The following CPVL variants were observed in gnomAD, a reference collection of about 807,000 sequenced individuals.
CPVL encodes probable serine carboxypeptidase CPVL.
CPVL carries 51 observed loss-of-function variants against 63.7 expected under a neutral mutation model. The observed-to-expected ratio is 0.80, with a 90% CI of 0.64 to 1.01. The LOEUF is 1.01. Among genes scored for constraint, CPVL ranks in the 50% least tolerant of loss-of-function variants. The pLI, the probability that CPVL is intolerant of heterozygous loss-of-function variation, is 0.00. For missense variants in CPVL, 530 were observed against 573.1 expected (o/e 0.92, Z 0.77); for synonymous variants, 195 against 206.0 (o/e 0.95, Z 0.46).
intron 3 of CPVL, among the ~76,000 whole-genome samples, chr7:29,098,611 T>C (rs1030251924): frequency 2.0e-5 from 3 of 152,208 alleles, no homozygotes; most frequent in African/African-American, 7.2e-5. Flanking sequence ...ATGAGCAGCC[T>C]GAAGCTCCAG....
At chr7:29,099,135 G>C (rs1467624323) in intron 3 of CPVL, among the ~76,000 whole-genome samples, 3 of 152,148 alleles carry the variant, frequency 2.0e-5, no homozygotes, top group African/African-American at 7.2e-5. Flanking sequence ...TACACTGTAT[G>C]CTTGCTGGGA....
In CPVL at chr7:29,030,671, T is replaced by C. The variant is rs770366520; in HGVS notation, c.1226A>G (p.Gln409Arg). ...TTTTTTTTCTGCCTTCTTGTATTCCTGGGATCCTTTCCAGTCCATGCCCAT... is the reference window on the plus strand; with the variant it reads ...TTTTTTTTCTGCCTTCTTGTATTCCCGGGATCCTTTCCAGTCCATGCCCAT... Reference protein sequence around the residue: ...SLMGMDWKGSQEYKKAEKKVW... With the variant: ...SLMGMDWKGSREYKKAEKKVW... The change falls in exon 12 of 13, where the codon CAG becomes CGG. Residue 409 changes from glutamine (Q) to arginine (R), a missense_variant. Gln to Arg is a conservative substitution (Grantham distance 43, BLOSUM62 1). Transcript: ENST00000265394. The C allele has an allele frequency of 6.2e-7, 1 of 1,613,942 alleles. No homozygotes were observed. Among genetic ancestry groups the C allele is most frequent in the Non-Finnish European group, 8.5e-7 (1 of 1,179,922 alleles).
chr7:29,086,807 T>G (rs917200729), intron 6 of CPVL, among the ~76,000 whole-genome samples: 1 of 152,194 alleles, frequency 6.6e-6, no homozygotes, highest in Non-Finnish European at 1.5e-5. Flanking sequence ...GTTTGGATCA[T>G]CTAACTGTTG....
chr7:29,073,825 C>A (rs775622409), intron 7 of CPVL, among the ~76,000 whole-genome samples: 1 of 152,074 alleles, frequency 6.6e-6, no homozygotes, highest in African/African-American at 2.4e-5. Flanking sequence ...ATGACTGATG[C>A]GTATATTTGT....
intron 5 of CPVL, among the ~76,000 whole-genome samples, chr7:29,169,706 C>T (rs1275226265): frequency 1.3e-5 from 2 of 152,064 alleles, no homozygotes; most frequent in African/African-American, 4.8e-5. Flanking sequence ...GCCTGCTTGA[C>T]ACATTTGATC....
At chr7:29,092,443 A>G (rs979124032) in intron 6 of CPVL, among the ~76,000 whole-genome samples, 180 bp downstream of exon 6, 12 of 152,214 alleles carry the variant, frequency 7.9e-5, no homozygotes, top group African/African-American at 2.9e-4. Flanking sequence ...GGTTTAAAAA[A>G]TAATCTTTAA....
intron 5 of CPVL, among the ~76,000 whole-genome samples, chr7:29,163,504 G>A (rs577850914): frequency 1.2e-4 from 18 of 152,134 alleles, no homozygotes; most frequent in South Asian, 8.3e-4. Context: ...ATGTTAATGG[G>A]CATATGCATA....
chr7:29,080,557 CAAAAAA>C (rs138264408), intron 7 of CPVL, among the ~76,000 whole-genome samples: 1 of 103,206 alleles, frequency 9.7e-6, no homozygotes, highest in African/African-American at 3.8e-5. Context: ...CACTTTGTCT[CAAAAAA>C]AAAAAAAAAA....
upstream of CPVL, chr7:29,146,939 C>T (rs1425873924): frequency 3.2e-6 from 5 of 1,550,998 alleles, no homozygotes; most frequent in Non-Finnish European, 4.4e-6. Context: ...CGCTGATGGT[C>T]TACATTCCAG....
At chr7:29,051,366 A>C (rs1365057090) in intron 11 of CPVL, among the ~76,000 whole-genome samples, 4 of 152,238 alleles carry the variant, frequency 2.6e-5, no homozygotes, top group Non-Finnish European at 5.9e-5. Flanking sequence ...ACAAAGGACT[A>C]ATATCCAGAA....
At chr7:29,125,768 A>G (rs1044648698) in intron 1 of CPVL, among the ~76,000 whole-genome samples, 8 of 152,238 alleles carry the variant, frequency 5.3e-5, no homozygotes, top group African/African-American at 1.7e-4. Flanking sequence ...ACAGCCTGTA[A>G]TAGTCTTAAA....
intron 5 of CPVL, among the ~76,000 whole-genome samples, chr7:29,153,554 C>G (rs948619664): frequency 6.6e-6 from 1 of 152,042 alleles, no homozygotes; most frequent in Non-Finnish European, 1.5e-5. Flanking sequence ...ACAGTAAATA[C>G]ATTTTCTCTC....
chr7:29,107,487 G>C (rs1323956407), intron 3 of CPVL, among the ~76,000 whole-genome samples: 1 of 152,214 alleles, frequency 6.6e-6, no homozygotes, highest in Non-Finnish European at 1.5e-5. Flanking sequence ...AGAGAACTGA[G>C]GCCCAGAGAA....
chr7:29,124,269 T>C (rs947949140), intron 1 of CPVL, among the ~76,000 whole-genome samples: 2 of 152,058 alleles, frequency 1.3e-5, no homozygotes, highest in Admixed American at 6.5e-5. Flanking sequence ...CCACAGAAAG[T>C]TGAAAAAGAA....
chr7:29,045,744 CA>C (rs1167160549), intron 11 of CPVL, among the ~76,000 whole-genome samples: 2 of 152,162 alleles, frequency 1.3e-5, no homozygotes, highest in Admixed American at 6.5e-5. Context: ...TGATTACCAT[CA>C]ACATTTTGCC....
At chr7:29,118,273 A>G (rs536457991) in intron 2 of CPVL, among the ~76,000 whole-genome samples, 40 of 152,348 alleles carry the variant, frequency 2.6e-4, no homozygotes, top group Non-Finnish European at 5.0e-4. Context: ...TTTGGTTATA[A>G]CAATTACTTA....
intron 5 of CPVL, among the ~76,000 whole-genome samples, chr7:29,178,614 G>GA (rs1797673147): frequency 6.6e-6 from 1 of 152,046 alleles, no homozygotes; most frequent in Non-Finnish European, 1.5e-5. Flanking sequence ...TTTAAAAAAA[G>GA]CAGTTCATTG....
chr7:29,060,907 C>G (rs555711135), intron 11 of CPVL, among the ~76,000 whole-genome samples: 1 of 152,156 alleles, frequency 6.6e-6, no homozygotes, highest in South Asian at 2.1e-4. Context: ...TGTTCTGATT[C>G]CCGTTCTGAA....
intron 5 of CPVL, among the ~76,000 whole-genome samples, chr7:29,175,155 T>C (rs2128731583): frequency 6.6e-6 from 1 of 151,444 alleles, no homozygotes. Context: ...TCTCATGAGA[T>C]GTGATGATTT....
Sources: allele counts gnomAD v4.1 joint callset (sites outside exome capture counted in the v4.1 genomes callset), GRCh38; gene constraint gnomAD v4.1.1; transcripts MANE v1.5; gene names NCBI Gene and HGNC (gene_info 2026-07-23, HGNC 2026-07-21).